The following AMOT variants were observed in gnomAD, a reference collection of about 807,000 sequenced individuals.
AMOT encodes angiomotin.
In AMOT, 11 loss-of-function variants were observed where a neutral mutation model predicts 67.0. That is an observed-to-expected ratio of 0.16 (90% CI 0.10 to 0.27). AMOT has a LOEUF of 0.27. Ranked by LOEUF, AMOT falls within the 10% of genes least tolerant of loss-of-function variation. The probability of loss-of-function intolerance (pLI) is 1.00; values close to 1 mark genes in which losing one functional copy is unlikely to be tolerated. For missense variants in AMOT, 753 were observed against 852.0 expected, an observed-to-expected ratio of 0.88 and a Z score of 1.45; for synonymous variants, 326 against 321.4, an observed-to-expected ratio of 1.01 and a Z score of -0.15.
rs397750640 is a variant in AMOT, at chrX:112,831,829, GA to G, written c.-212+464del. ...ATGAAACTAAACATGGACTTCTGGGGAAAAAAAAAAAAAGATCATTCAAGGG... is the reference window on the plus strand; with the variant it reads ...ATGAAACTAAACATGGACTTCTGGGGAAAAAAAAAAAAGATCATTCAAGGG... On this transcript the variant is annotated intron_variant, in intron 2 of 13. Transcript: ENST00000371959. Among the ~76,000 whole-genome samples the G allele has an allele frequency of 3.2e-3, 308 of 97,432 alleles. 5 individuals are homozygous for G. The highest frequency in any genetic ancestry group is 0.027 in the East Asian group (85 of 3,159). 84.6% of individuals were successfully genotyped at this position (97,432 alleles called of 115,157 possible). A position where few individuals can be genotyped will look rare whatever the true frequency, so the allele number is the denominator to read the frequency against.
intron 7 of AMOT, among the ~76,000 whole-genome samples, chrX:112,807,873 TGA>T (rs1375633431): frequency 8.9e-6 from 1 of 112,022 alleles, no homozygotes; most frequent in Admixed American, 9.4e-5. Context: ...ATGAGAAAGT[TGA>T]GAGTCACCTG....
Position 112,809,999 on chromosome X carries a change from G to A in AMOT, c.1538-13C>T, listed in dbSNP as rs1175386017. ...GTCTCTAGACGCTCTGTGAAATTTG[G>A]AGACAATCAACAGGGTCTCAAATGT... On this transcript the variant is annotated splice_polypyrimidine_tract_variant and intron_variant, in intron 6 of 13. Coordinates refer to ENST00000371959, the MANE Select transcript of AMOT (RefSeq NM_001113490.2). 6 of 1,184,783 alleles carry A rather than the reference G, an allele frequency of 5.1e-6. No homozygotes were observed. The highest frequency in any genetic ancestry group is 6.9e-6 in the Non-Finnish European group (6 of 873,675).
At position 112,803,181 on chromosome X, in the gene AMOT, TGGGAGGTGAACCAAAGGATGATTCAGACA is replaced by T. The variant is rs747992164; in HGVS notation, c.1776+1737_1776+1765del. ...TGAACAAGCACCCACATTTTCTTTT[TGGGAGGTGAACCAAAGGATGATTCAGACA>T]GGGAGAAAGGCAGCAGGGTTTAGGG... On this transcript the variant is annotated intron_variant, in intron 8 of 13. Transcript: ENST00000371959. Among the ~76,000 whole-genome samples the T allele has an allele frequency of 4.8e-3, 542 of 112,054 alleles. 8 individuals are homozygous for T. The highest frequency in any genetic ancestry group is 6.8e-3 in the Non-Finnish European group (362 of 53,253).
At position 112,808,231 on chromosome X, in the gene AMOT, C is replaced by T. The variant is rs192413214; in HGVS notation, c.1630+1663G>A. 5.7e-3 allele frequency among the ~76,000 whole-genome samples: 639 copies of T among 112,208 alleles called. 1 individual carries two copies. The highest frequency in any genetic ancestry group is 0.019 in the African/African-American group (601 of 30,870). Reference sequence around the variant, plus strand: ...CATACAAGGAAGGTACTATTCTCCTCTCCAATTTGCATATGAGAAAACAGA... The same window carrying T: ...CATACAAGGAAGGTACTATTCTCCTTTCCAATTTGCATATGAGAAAACAGA... On this transcript the variant is annotated intron_variant, in intron 7 of 13. Coordinates refer to ENST00000371959, the MANE Select transcript of AMOT (RefSeq NM_001113490.2).
chrX:112,811,462 C>A lies in AMOT; in HGVS notation c.1393-69G>T. 8.0e-6 allele frequency: 9 copies of A among 1,126,122 alleles called. 1 individual carries two copies. In the Admixed American group the frequency reaches 1.4e-4, roughly 17 times the overall value. 92.8% of individuals were successfully genotyped at this position (1,126,122 alleles called of 1,213,427 possible). ...ATGGGGAAAATGGTCTGAAAACAAA[C>A]AGGCAAATCCTCGCTGACAGCTTCT... is the stretch of plus-strand genomic sequence containing the variant. On this transcript the variant is annotated intron_variant, in intron 5 of 13. Transcript: ENST00000371959.
chrX:112,803,308 A>G (rs1345483709), intron 8 of AMOT, among the ~76,000 whole-genome samples: 1 of 111,562 alleles, frequency 9.0e-6, no homozygotes, highest in African/African-American at 3.3e-5. Flanking sequence ...CCAGCAAGCT[A>G]CTTCTTCGCA....
At chrX:112,792,615 C>A (rs898719069) in intron 8 of AMOT, among the ~76,000 whole-genome samples, 3 of 111,686 alleles carry the variant, frequency 2.7e-5, no homozygotes, top group Admixed American at 9.5e-5. Flanking sequence ...AAAGGCGTCA[C>A]GTGATGGGTC....
intron 7 of AMOT, among the ~76,000 whole-genome samples, chrX:112,807,821 CT>C (rs964593430): frequency 8.9e-6 from 1 of 112,108 alleles, no homozygotes; most frequent in Non-Finnish European, 1.9e-5. Flanking sequence ...GCTTCAAAAC[CT>C]TTCATTGTGA....
chrX:112,818,536 A>C (rs1033454797), intron 4 of AMOT, among the ~76,000 whole-genome samples: 18 of 111,752 alleles, frequency 1.6e-4, no homozygotes, highest in African/African-American at 5.5e-4. Context: ...GCAAACCAGC[A>C]ATGGCTTGGG....
rs1416621411 is a variant in AMOT, at chrX:112,775,859, CA to C, written c.*2707del. The C allele has an allele frequency of 2.7e-5, 3 of 111,806 alleles. No individual in the cohort carries two copies. Among genetic ancestry groups the C allele is most frequent in the Admixed American group, 9.6e-5 (1 of 10,459 alleles). 9.2% of individuals were successfully genotyped at this position (111,806 alleles called of 1,213,427 possible). A position where few individuals can be genotyped will look rare whatever the true frequency, so the allele number is the denominator to read the frequency against. On this transcript the variant is annotated 3_prime_UTR_variant, in exon 14 of 14. Coordinates refer to ENST00000371959, the MANE Select transcript of AMOT (RefSeq NM_001113490.2). ...TTTCCTGAGGTGCCGGTAAAATGCA[CA>C]GATAGGTAGGAGTCCAGAAAGATCC...
At position 112,820,385 on chromosome X, in the gene AMOT, G is replaced by T. The variant is rs778424220; in HGVS notation, c.872+1870C>A. On this transcript the variant is annotated intron_variant, in intron 4 of 13. Coordinates refer to ENST00000371959, the MANE Select transcript of AMOT (RefSeq NM_001113490.2). The stretch of plus-strand genomic sequence containing the variant: ...AAAATACATGCAGCTAAATTTCTCC[G>T]GTGGTTTAATCAGGATGGGAAGAAA... Among the ~76,000 whole-genome samples the T allele has an allele frequency of 4.5e-5, 5 of 110,720 alleles. No homozygotes were observed. In the East Asian group the frequency reaches 1.4e-3, roughly 31 times the overall value.
At chrX:112,806,091 C>T (rs376767501) in intron 7 of AMOT, among the ~76,000 whole-genome samples, 13 of 109,201 alleles carry the variant, frequency 1.2e-4, no homozygotes, top group Non-Finnish European at 1.9e-4. Context: ...CATGGTGAAA[C>T]GCTGTCTCTA....
At chrX:112,805,164 C>G (rs1934134442) in intron 7 of AMOT, 72 bp from the exon 8 acceptor site, 1 of 1,142,621 alleles carries the variant, frequency 8.8e-7, no homozygotes. Context: ...AAAATTGACA[C>G]ATCATACCCT....
At chrX:112,790,928 C>G in intron 9 of AMOT, 146 bp from the exon 10 acceptor site, 1 of 505,802 alleles carries the variant, frequency 2.0e-6, no homozygotes, top group Non-Finnish European at 2.9e-6. Context: ...AGATCTCCTC[C>G]CAGGGCCACA....
In AMOT at chrX:112,815,686, T is replaced by C. The variant is rs1463768734; in HGVS notation, c.1064A>G (p.His355Arg). 5.1e-6 allele frequency: 6 copies of C among 1,171,522 alleles called. No individual in the cohort carries two copies. The Admixed American group carries it at 1.0e-4, about 20-fold the overall frequency. ...HSAHLPRPQQHFLPNQAHQGD... is the reference protein window; with the variant it reads ...HSAHLPRPQQRFLPNQAHQGD... ...CTGGTGAGCCTGATTAGGAAGGAAA[T>C]GCTGCTGCGGCCTAGGCAGGTGAGC... The change falls in exon 5 of 14, where the codon CAT becomes CGT. Residue 355 changes from histidine (H) to arginine (R), a missense_variant. His to Arg is a conservative substitution (Grantham distance 29). This residue lies in a region of AMOT where 297 missense variants were observed against 284.3 expected (regional missense o/e 1.04). Transcript: ENST00000371959.
chrX:112,795,277 T>G (rs1204077620), intron 8 of AMOT, among the ~76,000 whole-genome samples: 3 of 109,653 alleles, frequency 2.7e-5, no homozygotes, highest in Non-Finnish European at 5.7e-5. Context: ...TGTGTGTGTA[T>G]GTGTATGTCA....
Position 112,815,856 on chromosome X carries a change from C to G in AMOT, c.894G>C (p.Leu298Phe). 1 of 1,166,389 alleles carries G rather than the reference C, an allele frequency of 8.6e-7. No homozygotes were observed. Among genetic ancestry groups the G allele is most frequent in the Admixed American group, 2.6e-5 (1 of 38,644 alleles). The part of the protein sequence containing the change: ...GAARPAQDIS[L>F]PLSARNSQPH... ...GCTGCGAGTTCCTGGCTGACAATGGCAATGAGATGTCCTGCGCTGGCCTGT... is the reference window on the plus strand; with the variant it reads ...GCTGCGAGTTCCTGGCTGACAATGGGAATGAGATGTCCTGCGCTGGCCTGT... Residue 298 changes from leucine (L) to phenylalanine (F), a missense_variant, in exon 5 of 14, where the codon TTG (leucine) becomes TTC (phenylalanine). By Grantham distance (22) the Leu-to-Phe change is conservative. Transcript: ENST00000371959.
At chrX:112,833,481 G>GC (rs1417107734) in intron 1 of AMOT, among the ~76,000 whole-genome samples, 3 of 86,474 alleles carry the variant, frequency 3.5e-5, no homozygotes, top group African/African-American at 1.4e-4. Flanking sequence ...GGAGTAAAGG[G>GC]GGGGGGGGGG....
intron 13 of AMOT, 39 bp downstream of exon 13, chrX:112,778,958 G>A: frequency 8.6e-7 from 1 of 1,161,166 alleles, no homozygotes; most frequent in South Asian, 1.9e-5. Flanking sequence ...TTTGAGAGCA[G>A]AACTAAACCA....
Sources: gnomAD v4.1 joint callset for allele counts (sites outside exome capture counted in the v4.1 genomes callset) on GRCh38, gnomAD v4.1.1 for gene constraint, gnomAD v4.1.1 regional missense constraint, MANE v1.5 for transcripts, NCBI Gene and HGNC (gene_info 2026-07-23, HGNC 2026-07-21) for gene names.